PDE1A: variants seen among roughly 807,000 people sequenced by gnomAD.
The protein encoded by PDE1A is phosphodiesterase 1A.
PDE1A carries 35 observed loss-of-function variants against 61.7 expected under a neutral mutation model. The ratio of observed to expected loss-of-function variants is 0.57; its 90% CI spans 0.43 to 0.75. The LOEUF is 0.75. Ranked by LOEUF, PDE1A falls within the 30% of genes least tolerant of loss-of-function variation. The probability of loss-of-function intolerance (pLI) is 0.00; values close to 1 mark genes in which losing one functional copy is unlikely to be tolerated. For synonymous variants in PDE1A, 232 were observed against 213.2 expected (o/e 1.09, Z -0.77); for missense variants, 597 against 630.6 (o/e 0.95, Z 0.57).
the PDE1A span, among the ~76,000 whole-genome samples, chr2:182,665,565 A>C: frequency 6.6e-6 from 1 of 152,212 alleles, no homozygotes; most frequent in Non-Finnish European, 1.5e-5. Flanking sequence ...GTCAGGAAAC[A>C]ACAGATGCTT....
At chr2:182,425,922 A>C (rs1703591278) in intron 1 of PDE1A, among the ~76,000 whole-genome samples, 1 of 152,206 alleles carries the variant, frequency 6.6e-6, no homozygotes, top group African/African-American at 2.4e-5. Context: ...GTAACTAAAG[A>C]ATCCAGAATT....
At chr2:182,659,694 G>A in the PDE1A span, among the ~76,000 whole-genome samples, 1 of 152,158 alleles carries the variant, frequency 6.6e-6, no homozygotes, top group Non-Finnish European at 1.5e-5. Context: ...TGCATAATTT[G>A]AGGAATCACC....
the PDE1A span, among the ~76,000 whole-genome samples, chr2:182,550,010 T>C: frequency 1.3e-5 from 2 of 152,280 alleles, no homozygotes; most frequent in Non-Finnish European, 2.9e-5. Context: ...AGTTATTAGA[T>C]TTTTCTAGCC....
chr2:182,270,975 AT>A (rs1414686776), intron 1 of PDE1A, among the ~76,000 whole-genome samples: 2 of 151,872 alleles, frequency 1.3e-5, no homozygotes, highest in South Asian at 2.1e-4. Context: ...CTTTTCCAGT[AT>A]TTTTTTCATA....
chr2:182,535,270 T>A, the PDE1A span, among the ~76,000 whole-genome samples: 1 of 152,062 alleles, frequency 6.6e-6, no homozygotes. Flanking sequence ...TAATATTACA[T>A]TCATTTTATA....
the PDE1A span, among the ~76,000 whole-genome samples, chr2:182,640,179 T>C: frequency 6.6e-6 from 1 of 152,228 alleles, no homozygotes; most frequent in Non-Finnish European, 1.5e-5. Flanking sequence ...GTGAAGGTTG[T>C]GTATACAAGA....
At position 182,369,670 on chromosome 2, in the gene PDE1A, GA is replaced by G. The variant is rs909447593; in HGVS notation, c.53+56907del. Among the ~76,000 whole-genome samples the G allele has an allele frequency of 3.0e-4, 44 of 144,764 alleles. No homozygotes were observed. In the Middle Eastern group the frequency reaches 0.011, roughly 36 times the overall value. The allele number at this position is 144,764 out of a possible 152,430, so 95.0% of individuals were successfully genotyped here. On this transcript the variant is annotated intron_variant, in intron 1 of 13. Coordinates refer to ENST00000351439, the Ensembl canonical transcript of PDE1A. ...GAAGATGAGAAGAAAAAGAGACTCA[GA>G]AAAAAAAAAATGGCCATCAGGTAAT...
chr2:182,394,341 A>C (rs1482514464), intron 1 of PDE1A, among the ~76,000 whole-genome samples: 1 of 152,136 alleles, frequency 6.6e-6, no homozygotes, highest in Non-Finnish European at 1.5e-5. Flanking sequence ...CCCTTTATAA[A>C]ATCATCAGAT....
At chr2:182,373,596 A>G (rs1375530981) in intron 1 of PDE1A, among the ~76,000 whole-genome samples, 1 of 152,228 alleles carries the variant, frequency 6.6e-6, no homozygotes, top group Non-Finnish European at 1.5e-5. Context: ...CCTTAAAGTA[A>G]ACATTCAAAT....
At chr2:182,356,045 T>C (rs944790296) in intron 1 of PDE1A, among the ~76,000 whole-genome samples, 3 of 152,212 alleles carry the variant, frequency 2.0e-5, no homozygotes, top group African/African-American at 7.2e-5. Context: ...GTCAGTTTGA[T>C]TGTAACAAGA....
the PDE1A span, among the ~76,000 whole-genome samples, chr2:182,652,058 G>A: frequency 2.6e-5 from 4 of 152,292 alleles, no homozygotes; most frequent in East Asian, 7.7e-4. Context: ...TAGGAGGGCT[G>A]TATAGATCAT....
intron 1 of PDE1A, among the ~76,000 whole-genome samples, chr2:182,344,380 C>T (rs1347454778): frequency 6.6e-6 from 1 of 152,078 alleles, no homozygotes; most frequent in Non-Finnish European, 1.5e-5. Flanking sequence ...TGTTGATTTG[C>T]TCTTACTAAT....
chr2:182,329,409 G>C (rs1362610250), intron 1 of PDE1A, among the ~76,000 whole-genome samples: 2 of 151,568 alleles, frequency 1.3e-5, no homozygotes, highest in African/African-American at 4.8e-5. Context: ...TTTTTTTGGA[G>C]ATGGAGTTTC....
intron 1 of PDE1A, 23 bp downstream of exon 1, chr2:182,426,555 A>G (rs769739470): frequency 5.9e-6 from 9 of 1,514,806 alleles, no homozygotes; most frequent in Non-Finnish European, 5.5e-6. Context: ...CCCTAGAGCC[A>G]CCTGCGATGT....
chr2:182,155,142 A>G (rs1356995926), intron 13 of PDE1A, among the ~76,000 whole-genome samples: 2 of 146,070 alleles, frequency 1.4e-5, no homozygotes, highest in Non-Finnish European at 3.0e-5. Context: ...GCTGGAGTGC[A>G]ATGGTGCCAT....
the PDE1A span, among the ~76,000 whole-genome samples, chr2:182,551,011 T>C: frequency 6.7e-6 from 1 of 150,344 alleles, no homozygotes; most frequent in Non-Finnish European, 1.5e-5. Context: ...AGAAACAGAT[T>C]TGGAGAATAA....
chr2:182,583,402 C>T, the PDE1A span, among the ~76,000 whole-genome samples: 4 of 152,290 alleles, frequency 2.6e-5, no homozygotes, highest in African/African-American at 9.6e-5. Flanking sequence ...CTTTCTTCAA[C>T]TGCAGACGTA....
In PDE1A at chr2:182,338,767, C is replaced by A. The variant is rs564853419; in HGVS notation, c.54-74353G>T. Among the ~76,000 whole-genome samples, 5 of 152,242 alleles carry A rather than the reference C, an allele frequency of 3.3e-5. No individual in the cohort carries two copies. In the East Asian group the frequency reaches 7.7e-4, roughly 24 times the overall value. Reference sequence around the variant, plus strand: ...TCAAACTCCTCACCTCGTGATCTACCCGCCTCGGCCTGCCAAAGTGCTGGG... The same window carrying A: ...TCAAACTCCTCACCTCGTGATCTACACGCCTCGGCCTGCCAAAGTGCTGGG... On this transcript the variant is annotated intron_variant, in intron 1 of 13. Coordinates refer to ENST00000351439, the Ensembl canonical transcript of PDE1A.
In PDE1A at chr2:182,290,910, C is replaced by T. The variant is rs139557722; in HGVS notation, c.54-26496G>A. On this transcript the variant is annotated intron_variant, in intron 1 of 13. Transcript: ENST00000351439. ...CCCCAAATCTGCTCTTACCCACCTACACTGAATTTTATATAAATGGCACCA... is the reference window on the plus strand; with the variant it reads ...CCCCAAATCTGCTCTTACCCACCTATACTGAATTTTATATAAATGGCACCA... Among the ~76,000 whole-genome samples the T allele has an allele frequency of 5.1e-3, 774 of 152,132 alleles. 3 individuals carry two copies. The highest frequency in any genetic ancestry group is 0.018 in the African/African-American group (747 of 41,530).
Sources: gnomAD v4.1 joint callset for allele counts (sites outside exome capture counted in the v4.1 genomes callset) on GRCh38, gnomAD v4.1.1 for gene constraint, MANE v1.5 for transcripts, NCBI Gene and HGNC (gene_info 2026-07-23, HGNC 2026-07-21) for gene names.